The following SPIDR variants were observed in gnomAD, a reference collection of about 807,000 sequenced individuals.
The protein encoded by SPIDR is DNA repair-scaffolding protein.
In SPIDR, 93 loss-of-function variants were observed where a neutral mutation model predicts 104.6. The observed-to-expected ratio is 0.89, with a 90% CI of 0.75 to 1.06. The LOEUF (loss-of-function observed/expected upper bound fraction) is 1.06, where lower values mean the gene tolerates loss of function less well. Ranked by LOEUF, SPIDR falls within the 50% of genes least tolerant of loss-of-function variation. The pLI, the probability that SPIDR is intolerant of heterozygous loss-of-function variation, is 0.00. For synonymous variants in SPIDR, 431 were observed against 416.9 expected (o/e 1.03, Z -0.41); for missense variants, 1,154 against 1,111.2 (o/e 1.04, Z -0.55).
intron 10 of SPIDR, among the ~76,000 whole-genome samples, chr8:47,656,906 A>G (rs1432780799): frequency 1.3e-5 from 2 of 152,242 alleles, no homozygotes; most frequent in African/African-American, 4.8e-5. Context: ...GAAGTTAGAC[A>G]TAGAAGGCCA....
At chr8:47,284,776 T>C (rs1307139155) in intron 3 of SPIDR, among the ~76,000 whole-genome samples, 1 of 152,214 alleles carries the variant, frequency 6.6e-6, no homozygotes, top group African/African-American at 2.4e-5. Flanking sequence ...ACCTCTACCT[T>C]TGACTAGAAC....
rs979136291 is a variant in SPIDR at position 47,448,020 on chromosome 8, A to G, written c.1097+7478A>G. ...TCATGTGACTTGCTTTATTGTGATA[A>G]TAACTTTATTGGAGTGGTCTGCAGC... On this transcript the variant is annotated intron_variant, in intron 8 of 19. Transcript: ENST00000297423. 2.6e-5 allele frequency among the ~76,000 whole-genome samples: 4 copies of G among 152,332 alleles called. No individual in the cohort carries two copies. In the South Asian group the frequency reaches 8.3e-4, roughly 32 times the overall value.
rs2067257491 is a variant in SPIDR, at chr8:47,632,684, G to T, written c.1544+33488G>T. Among the ~76,000 whole-genome samples the T allele has an allele frequency of 2.6e-5, 4 of 152,170 alleles. No individual in the cohort carries two copies. In the South Asian group the frequency reaches 8.3e-4, roughly 31 times the overall value. On this transcript the variant is annotated intron_variant, in intron 10 of 19. Transcript: ENST00000297423. The stretch of plus-strand genomic sequence containing the variant: ...TACTCAGGGGAAAAGAAGGCAGCTT[G>T]GTTGAGAAACTGCAAGATCCCAAGT...
intron 7 of SPIDR, among the ~76,000 whole-genome samples, chr8:47,434,709 A>G (rs975178746): frequency 1.1e-4 from 17 of 151,736 alleles, no homozygotes; most frequent in Admixed American, 2.0e-4. Flanking sequence ...CCCTCATACT[A>G]ACTTGCTTCA....
At chr8:47,695,826 G>T (rs1245750345) in intron 11 of SPIDR, among the ~76,000 whole-genome samples, 1 of 152,184 alleles carries the variant, frequency 6.6e-6, no homozygotes, top group East Asian at 1.9e-4. Context: ...TAGATCATTT[G>T]CTACACCAAA....
chr8:47,732,176 G>T, intron 19 of SPIDR: 1 of 702,586 alleles, frequency 1.4e-6, no homozygotes, highest in Non-Finnish European at 2.6e-6. Context: ...TCCTTCACTT[G>T]GTTTCCTTCT....
chr8:47,600,931 T>A (rs1260200885), intron 10 of SPIDR, among the ~76,000 whole-genome samples: 1 of 152,216 alleles, frequency 6.6e-6, no homozygotes, highest in African/African-American at 2.4e-5. Context: ...GGTTGCTTCC[T>A]ATGACTAATC....
chr8:47,717,133 G>A (rs2082701853), intron 16 of SPIDR, among the ~76,000 whole-genome samples: 1 of 152,164 alleles, frequency 6.6e-6, no homozygotes, highest in South Asian at 2.1e-4. Flanking sequence ...GATGCAGCCT[G>A]GTCCCTGGGG....
rs762216149 is a variant in SPIDR, at chr8:47,598,935, G to A, written c.1294-11G>A. 3 of 1,613,778 alleles carry A rather than the reference G, an allele frequency of 1.9e-6. No homozygotes were observed. Among genetic ancestry groups the A allele is most frequent in the South Asian group, 1.1e-5 (1 of 91,022 alleles). On this transcript the variant is annotated splice_polypyrimidine_tract_variant and intron_variant, in intron 9 of 19. Transcript: ENST00000297423. ...AGTCTTGAAACTGTTCCCTTTATGT[G>A]TCTTGGCCAGGTTGTGTGTAGTGGT...
intron 5 of SPIDR, among the ~76,000 whole-genome samples, chr8:47,309,360 C>T (rs73582860): frequency 0.018 from 2,753 of 152,160 alleles, 85 homozygotes; most frequent in African/African-American, 0.064. Context: ...TATTATAACT[C>T]ATGTATTATA....
chr8:47,274,412 T>C lies in SPIDR; in HGVS notation c.34-5450T>C, dbSNP rs771771577. Among the ~76,000 whole-genome samples the C allele has an allele frequency of 7.3e-3, 1,115 of 152,332 alleles. 7 individuals are homozygous for C. The highest frequency in any genetic ancestry group is 0.011 in the Non-Finnish European group (755 of 68,038). ...ATTACTAGTCAGATAAGATGTCTTC[T>C]TTCCTTCTCGTTGAGATACATTCTC... On this transcript the variant is annotated intron_variant, in intron 1 of 19. Transcript: ENST00000297423.
intron 10 of SPIDR, among the ~76,000 whole-genome samples, chr8:47,625,430 A>G (rs541725505): frequency 6.6e-6 from 1 of 152,344 alleles, no homozygotes; most frequent in South Asian, 2.1e-4. Flanking sequence ...TCAGTTAGGA[A>G]AAGAGGAAGT....
chr8:47,411,266 A>G (rs1269113895), intron 7 of SPIDR, among the ~76,000 whole-genome samples: 1 of 152,242 alleles, frequency 6.6e-6, no homozygotes, highest in African/African-American at 2.4e-5. Context: ...ACTAGTTTAC[A>G]GTCCCACCAA....
chr8:47,317,864 C>G (rs2045714048), intron 5 of SPIDR, among the ~76,000 whole-genome samples: 3 of 152,146 alleles, frequency 2.0e-5, no homozygotes, highest in Non-Finnish European at 4.4e-5. Flanking sequence ...CAGCAAACTC[C>G]AGCAGACCTG....
chr8:47,493,905 A>G lies in SPIDR; in HGVS notation c.1097+53363A>G, dbSNP rs148371963. On this transcript the variant is annotated intron_variant, in intron 8 of 19. Coordinates refer to ENST00000297423, the MANE Select transcript of SPIDR (RefSeq NM_001080394.4). ...AACACAAAGCTTTATTTTTTATTAA[A>G]TAGAGCATCCCTTTAAAACAATTTT... 5.6e-4 allele frequency among the ~76,000 whole-genome samples: 85 copies of G among 152,274 alleles called. 1 individual carries two copies. The highest frequency in any genetic ancestry group is 1.9e-3 in the African/African-American group (79 of 41,554).
intron 8 of SPIDR, among the ~76,000 whole-genome samples, chr8:47,457,354 A>G (rs563154209): frequency 6.6e-6 from 1 of 152,220 alleles, no homozygotes; most frequent in South Asian, 2.1e-4. Context: ...TTCCGTGATC[A>G]TTGGTGATGT....
chr8:47,519,592 G>T (rs1168487437), intron 8 of SPIDR, among the ~76,000 whole-genome samples: 1 of 152,144 alleles, frequency 6.6e-6, no homozygotes, highest in East Asian at 1.9e-4. Context: ...GAACTAGTCT[G>T]GGCAATATGG....
intron 5 of SPIDR, among the ~76,000 whole-genome samples, chr8:47,329,233 G>A (rs1461307942): frequency 1.3e-5 from 2 of 151,944 alleles, no homozygotes; most frequent in Non-Finnish European, 2.9e-5. Flanking sequence ...ACCACGCCCG[G>A]CTGATTTTTT....
chr8:47,637,816 C>T (rs1340969118), intron 10 of SPIDR, among the ~76,000 whole-genome samples: 1 of 152,126 alleles, frequency 6.6e-6, no homozygotes, highest in Non-Finnish European at 1.5e-5. Flanking sequence ...TCCTCCTTTC[C>T]ATCCTAAAGT....
Sources: gnomAD v4.1 joint callset for allele counts (sites outside exome capture counted in the v4.1 genomes callset) on GRCh38, gnomAD v4.1.1 for gene constraint, MANE v1.5 for transcripts, NCBI Gene and HGNC (gene_info 2026-07-23, HGNC 2026-07-21) for gene names.